TASP1: variants seen among roughly 807,000 people sequenced by gnomAD.
The protein encoded by TASP1 is taspase 1.
A neutral mutation model predicts 56.6 loss-of-function variants in TASP1; 16 were observed. The ratio of observed to expected loss-of-function variants is 0.28; its 90% CI spans 0.19 to 0.43. The LOEUF is 0.43. Ranked by LOEUF, TASP1 falls within the 20% of genes least tolerant of loss-of-function variation. The pLI is 1.00. For synonymous variants in TASP1, 179 were observed against 184.2 expected, an observed-to-expected ratio of 0.97 and a Z score of 0.23; for missense variants, 393 against 511.6, an observed-to-expected ratio of 0.77 and a Z score of 2.24.
chr20:13,481,750 C>T (rs1391515298), intron 11 of TASP1, among the ~76,000 whole-genome samples: 1 of 152,052 alleles, frequency 6.6e-6, no homozygotes, highest in Non-Finnish European at 1.5e-5. Flanking sequence ...AAATCTTTTG[C>T]CCATTTTTTG....
At chr20:13,347,636 C>T in the TASP1 span, among the ~76,000 whole-genome samples, 1 of 152,118 alleles carries the variant, frequency 6.6e-6, no homozygotes, top group Non-Finnish European at 1.5e-5. Context: ...GTCAGGAGTT[C>T]GAGACCAGCC....
chr20:13,456,278 A>G (rs1279876877), intron 11 of TASP1, among the ~76,000 whole-genome samples: 1 of 152,096 alleles, frequency 6.6e-6, no homozygotes, highest in African/African-American at 2.4e-5. Flanking sequence ...GTGTTCTGAG[A>G]CCATCAGCCA....
chr20:13,620,211 G>T (rs1485829223), intron 4 of TASP1, among the ~76,000 whole-genome samples: 1 of 150,764 alleles, frequency 6.6e-6, no homozygotes, highest in African/African-American at 2.5e-5. Context: ...GCTAAAAAAT[G>T]ATATGTCTGC....
intron 4 of TASP1, among the ~76,000 whole-genome samples, chr20:13,594,835 A>G (rs185930041): frequency 3.7e-4 from 56 of 152,336 alleles, no homozygotes; most frequent in African/African-American, 1.3e-3. Flanking sequence ...TCCCCAACCT[A>G]GCAAGGCAGG....
chr20:13,264,304 C>T, the TASP1 span, among the ~76,000 whole-genome samples: 1 of 152,198 alleles, frequency 6.6e-6, no homozygotes, highest in African/African-American at 2.4e-5. Flanking sequence ...TAGACAGCCA[C>T]AATTTGTTAC....
intron 4 of TASP1, among the ~76,000 whole-genome samples, chr20:13,607,719 C>T (rs1330592385): frequency 6.6e-6 from 1 of 152,172 alleles, no homozygotes; most frequent in East Asian, 1.9e-4. Context: ...ATATATAACT[C>T]TTGTTGAAAA....
chr20:13,133,595 A>G, the TASP1 span, among the ~76,000 whole-genome samples: 4 of 152,284 alleles, frequency 2.6e-5, no homozygotes, highest in Admixed American at 6.5e-5. Flanking sequence ...TTAGCTGGGC[A>G]TGGTGGCACA....
chr20:13,511,307 A>G (rs2044318164), intron 10 of TASP1, among the ~76,000 whole-genome samples: 2 of 152,112 alleles, frequency 1.3e-5, no homozygotes, highest in Admixed American at 1.3e-4. Context: ...GAAGCAACGG[A>G]GCAAGCAAGA....
intron 11 of TASP1, among the ~76,000 whole-genome samples, chr20:13,440,192 A>C (rs922274262): frequency 1.3e-5 from 2 of 152,144 alleles, no homozygotes; most frequent in Non-Finnish European, 2.9e-5. Context: ...TTCAGCCAAA[A>C]GGTCAATAAA....
the TASP1 span, among the ~76,000 whole-genome samples, chr20:13,362,295 T>TAC: frequency 6.6e-6 from 1 of 151,898 alleles, no homozygotes; most frequent in Non-Finnish European, 1.5e-5. Flanking sequence ...TGCACGTATA[T>TAC]GCCCAGATGG....
At chr20:13,308,247 C>T in the TASP1 span, among the ~76,000 whole-genome samples, 13 of 152,158 alleles carry the variant, frequency 8.5e-5, no homozygotes, top group Admixed American at 3.3e-4. Context: ...GTGTCTGTAA[C>T]ACAGTGTGAA....
At chr20:13,567,261 C>T (rs920895263) in intron 7 of TASP1, among the ~76,000 whole-genome samples, 2 of 151,446 alleles carry the variant, frequency 1.3e-5, no homozygotes, top group Non-Finnish European at 2.9e-5. Context: ...GACAGTGGAG[C>T]CTAACTGAGG....
At chr20:13,233,024 C>CA in the TASP1 span, among the ~76,000 whole-genome samples, 34,959 of 142,104 alleles carry the variant, frequency 0.25, 4,035 homozygotes, top group South Asian at 0.3. Flanking sequence ...GATGCTGGAC[C>CA]AAAAAAAAAA....
At chr20:13,566,439 G>A (rs978861059) in intron 7 of TASP1, among the ~76,000 whole-genome samples, 1 of 151,400 alleles carries the variant, frequency 6.6e-6, no homozygotes, top group Non-Finnish European at 1.5e-5. Context: ...ACATAAATGG[G>A]TAAATGGCTA....
chr20:13,534,311 C>A (rs1357078487), intron 8 of TASP1, among the ~76,000 whole-genome samples, 170 bp from the exon 9 acceptor site: 1 of 149,040 alleles, frequency 6.7e-6, no homozygotes, highest in Non-Finnish European at 1.5e-5. Context: ...CCATTTAAAT[C>A]CTATTTAAGT....
chr20:13,227,478 C>G, the TASP1 span, among the ~76,000 whole-genome samples: 6 of 150,332 alleles, frequency 4.0e-5, no homozygotes, highest in African/African-American at 9.8e-5. Flanking sequence ...GCTGGGATTA[C>G]AGGTGTGAGC....
At chr20:13,624,055 T>C (rs183550558) in intron 3 of TASP1, among the ~76,000 whole-genome samples, 9 of 152,258 alleles carry the variant, frequency 5.9e-5, no homozygotes, top group Admixed American at 5.9e-4. Flanking sequence ...TAATATAAAC[T>C]ACACAGACTA....
chr20:13,502,994 G>C lies in TASP1; in HGVS notation c.875-19657C>G, dbSNP rs143512110. 6.1e-3 allele frequency among the ~76,000 whole-genome samples: 930 copies of C among 152,306 alleles called. 10 individuals carry two copies. The highest frequency in any genetic ancestry group is 0.021 in the African/African-American group (883 of 41,564). ...CAATTTCTCTCACAATGGAAAGTGAGAGTGCAGTGAGTAAGCTCCTGGGTA... is the reference window on the plus strand; with the variant it reads ...CAATTTCTCTCACAATGGAAAGTGACAGTGCAGTGAGTAAGCTCCTGGGTA... On this transcript the variant is annotated intron_variant, in intron 10 of 13. Coordinates refer to ENST00000337743, the MANE Select transcript of TASP1 (RefSeq NM_017714.3).
intron 10 of TASP1, among the ~76,000 whole-genome samples, chr20:13,522,229 T>C (rs1263406501): frequency 1.3e-5 from 2 of 152,150 alleles, no homozygotes; most frequent in Admixed American, 6.6e-5. Context: ...AGATGGGAAG[T>C]GGCTTAACAT....
Sources: gnomAD v4.1 joint callset for allele counts (sites outside exome capture counted in the v4.1 genomes callset) on GRCh38, gnomAD v4.1.1 for gene constraint, MANE v1.5 for transcripts, NCBI Gene and HGNC (gene_info 2026-07-23, HGNC 2026-07-21) for gene names.